The following MEI1 variants were observed in gnomAD, a reference collection of about 807,000 sequenced individuals.
MEI1 encodes meiotic double-stranded break formation protein 1.
In MEI1, 103 loss-of-function variants were observed where a neutral mutation model predicts 146.2. The ratio of observed to expected loss-of-function variants is 0.70; its 90% CI spans 0.60 to 0.83. MEI1 has a LOEUF of 0.83. Among genes scored for constraint, MEI1 ranks in the 40% least tolerant of loss-of-function variants. The pLI, the probability that MEI1 is intolerant of heterozygous loss-of-function variation, is 0.00. For synonymous variants in MEI1, 652 were observed against 628.2 expected, an observed-to-expected ratio of 1.04 and a Z score of -0.57; for missense variants, 1,529 against 1,533.0, an observed-to-expected ratio of 1.00 and a Z score of 0.04.
intron 15 of MEI1, among the ~76,000 whole-genome samples, chr22:41,749,662 T>C (rs1215105977): frequency 6.6e-6 from 1 of 152,220 alleles, no homozygotes. Context: ...AAGATCTTTC[T>C]TGGAGCAGTG....
At chr22:41,722,043 A>T (rs568192680) in intron 6 of MEI1, 1 of 148,584 alleles carries the variant, frequency 6.7e-6, no homozygotes, top group African/African-American at 2.5e-5. Context: ...TTTAAATAAT[A>T]AAAAAAATTA....
chr22:41,745,058 C>T lies in MEI1; in HGVS notation c.1532C>T (p.Ala511Val), dbSNP rs1163445051. 4 of 1,545,540 alleles carry T rather than the reference C, an allele frequency of 2.6e-6. No individual in the cohort carries two copies. In the African/African-American group the frequency reaches 5.5e-5, roughly 21 times the overall value. ...AGCACTCTGGAGGGATTTAGAAGTG[C>T]CTGCAGGTGAGGGGCCCTCTGAGGT... ...LLSTLEGFRSACRLAIEFQSE... is the reference protein window; with the variant it reads ...LLSTLEGFRSVCRLAIEFQSE... The change falls in exon 13 of 31, where the codon GCC becomes GTC. Residue 511 changes from alanine to valine, a missense_variant. Ala to Val is a moderately conservative substitution (Grantham distance 64). Around this residue, in one of 3 missense-constraint regions of MEI1, gnomAD observed 1,212 missense variants for 1,178.9 expected, o/e 1.03. Coordinates refer to ENST00000401548, the MANE Select transcript of MEI1 (RefSeq NM_152513.4).
At chr22:41,709,098 G>C (rs2069331220) in intron 3 of MEI1, 3 of 593,890 alleles carry the variant, frequency 5.1e-6, no homozygotes, top group South Asian at 1.7e-5. Flanking sequence ...TAACAGTGAA[G>C]TGTTCTGTGT....
chr22:41,778,898 C>A (rs550193552), intron 22 of MEI1, 86 bp downstream of exon 22: 6 of 949,202 alleles, frequency 6.3e-6, no homozygotes, highest in Non-Finnish European at 9.9e-6. Context: ...GTTCTTCTTT[C>A]TTCTACTCTT....
chr22:41,772,198 G>T (rs1334205691), intron 20 of MEI1, among the ~76,000 whole-genome samples: 1 of 152,106 alleles, frequency 6.6e-6, no homozygotes, highest in African/African-American at 2.4e-5. Context: ...TCTAAACATA[G>T]AAAAGATACA....
intron 3 of MEI1, among the ~76,000 whole-genome samples, chr22:41,709,944 A>G (rs1460773669): frequency 6.6e-6 from 1 of 152,036 alleles, no homozygotes; most frequent in African/African-American, 2.4e-5. Context: ...GCAGGATAGG[A>G]TATGTTGTGG....
Position 41,723,995 on chromosome 22 carries a change from C to G in MEI1, c.786C>G (p.Asn262Lys). The G allele has an allele frequency of 6.2e-7, 1 of 1,612,824 alleles. No individual in the cohort carries two copies. The highest frequency in any genetic ancestry group is 8.5e-7 in the Non-Finnish European group (1 of 1,179,412). Reference sequence around the variant, plus strand: ...ATCTCTTTGTGTCCATGATCATGAACCAGGATGGACTGGGAGAAAGTGCTA... The same window carrying G: ...ATCTCTTTGTGTCCATGATCATGAAGCAGGATGGACTGGGAGAAAGTGCTA... ...KYDLFVSMIM[N>K]QDGLGESAKN... is the part of the protein sequence containing the mutation. The change falls in exon 7 of 31, where the codon AAC becomes AAG. Residue 262 changes from asparagine (N) to lysine (K), a missense_variant. Coordinates refer to ENST00000401548, the MANE Select transcript of MEI1 (RefSeq NM_152513.4).
chr22:41,756,802 ATTCT>A (rs1282877208), intron 17 of MEI1, among the ~76,000 whole-genome samples: 1 of 152,214 alleles, frequency 6.6e-6, no homozygotes, highest in Non-Finnish European at 1.5e-5. Context: ...GTATTAAAAT[ATTCT>A]TTCTTTTATG....
intron 5 of MEI1, among the ~76,000 whole-genome samples, chr22:41,717,684 C>T (rs1297236778): frequency 2.0e-5 from 3 of 148,210 alleles, no homozygotes; most frequent in African/African-American, 5.0e-5. Context: ...GGCATGATCT[C>T]GGCTCACTGC....
chr22:41,793,335 C>T (rs926951189), intron 26 of MEI1, among the ~76,000 whole-genome samples: 1 of 151,016 alleles, frequency 6.6e-6, no homozygotes, highest in Non-Finnish European at 1.5e-5. Context: ...GAGTTTCGCT[C>T]TGTCGCTCAG....
chr22:41,765,352 G>A (rs577005123), intron 19 of MEI1, among the ~76,000 whole-genome samples: 95 of 152,194 alleles, frequency 6.2e-4, no homozygotes, highest in African/African-American at 2.1e-3. Flanking sequence ...ATGGTGGTGC[G>A]CACCTGTGGT....
intron 4 of MEI1, among the ~76,000 whole-genome samples, chr22:41,715,826 G>A (rs1012958248): frequency 1.3e-5 from 2 of 152,114 alleles, no homozygotes; most frequent in African/African-American, 4.8e-5. Context: ...CATGCACTGA[G>A]CTAGGTACTG....
chr22:41,706,042 A>G (rs1294214954), intron 3 of MEI1, among the ~76,000 whole-genome samples: 2 of 148,756 alleles, frequency 1.3e-5, no homozygotes, highest in East Asian at 2.0e-4. Context: ...TTGTTGAGAC[A>G]TGGGCTCATT....
chr22:41,720,656 G>A (rs1373223085), intron 6 of MEI1, among the ~76,000 whole-genome samples: 2 of 151,436 alleles, frequency 1.3e-5, no homozygotes, highest in Admixed American at 6.6e-5. Context: ...AGTGCAGTGG[G>A]CGTGATCTCA....
At chr22:41,707,947 A>G (rs960139356) in intron 3 of MEI1, among the ~76,000 whole-genome samples, 1 of 152,212 alleles carries the variant, frequency 6.6e-6, no homozygotes, top group Non-Finnish European at 1.5e-5. Context: ...TCCTTTGGCT[A>G]CTTGGTGTCC....
intron 25 of MEI1, 74 bp downstream of exon 25, chr22:41,784,494 A>G: frequency 6.3e-7 from 1 of 1,597,600 alleles, no homozygotes; most frequent in Non-Finnish European, 8.6e-7. Flanking sequence ...CACCCTGACC[A>G]GCCAATGGTC....
intron 11 of MEI1, among the ~76,000 whole-genome samples, chr22:41,733,901 C>A (rs1009102172): frequency 1.3e-5 from 2 of 151,670 alleles, no homozygotes; most frequent in South Asian, 4.2e-4. Flanking sequence ...CCAAGGTCGG[C>A]GGACCACCTG....
At chr22:41,793,627 A>G (rs1399819292) in intron 26 of MEI1, among the ~76,000 whole-genome samples, 1 of 152,218 alleles carries the variant, frequency 6.6e-6, no homozygotes, top group Admixed American at 6.5e-5. Flanking sequence ...AATGTAGGTA[A>G]ATCACACAGT....
In MEI1 at chr22:41,770,751, C is replaced by A. The variant is rs752883857; in HGVS notation, c.2334C>A (p.His778Gln). The change falls in exon 20 of 31, where the codon CAC (histidine) becomes CAA (glutamine). Residue 778 changes from histidine (H) to glutamine (Q), a missense_variant. By Grantham distance (24) the His-to-Gln change is conservative. This residue lies in a region of MEI1 where 1,212 missense variants were observed against 1,178.9 expected (regional missense o/e 1.03). Coordinates refer to ENST00000401548, the MANE Select transcript of MEI1 (RefSeq NM_152513.4). ...GIPDLQLVYT[H>Q]HPLLLRFFLL... is the part of the protein sequence containing the mutation. ...CAGACCTGCAGCTAGTCTATACTCA[C>A]CATCCGCTCCTGCTCAGGTTCTTTC... 6.2e-7 allele frequency: 1 copy of A among 1,613,804 alleles called. No homozygotes were observed. The highest frequency in any genetic ancestry group is 8.5e-7 in the Non-Finnish European group (1 of 1,179,874).
Sources: allele counts gnomAD v4.1 joint callset (sites outside exome capture counted in the v4.1 genomes callset), GRCh38; gene constraint gnomAD v4.1.1; regional missense constraint gnomAD v4.1.1; transcripts MANE v1.5; gene names NCBI Gene and HGNC (gene_info 2026-07-23, HGNC 2026-07-21).